Variants in TRMT9B observed in about 807,000 individuals in gnomAD.
TRMT9B encodes tRNA methyltransferase 9B (putative), also known as probable tRNA methyltransferase 9B.
In TRMT9B, 16 loss-of-function variants were observed where a neutral mutation model predicts 11.5. The ratio of observed to expected loss-of-function variants is 1.39; its 90% confidence interval spans 0.94 to 2.11. TRMT9B has a LOEUF of 2.11. Among genes scored for constraint, TRMT9B ranks in the 30% most tolerant of loss-of-function variants. The pLI, the probability that TRMT9B is intolerant of heterozygous loss-of-function variation, is 0.00. For synonymous variants in TRMT9B, 274 were observed against 192.4 expected (o/e 1.42, Z -3.51); for missense variants, 941 against 553.8 (o/e 1.70, Z -7.02).
At chr8:13,001,436 C>G (rs951063843) in intron 2 of TRMT9B, among the ~76,000 whole-genome samples, 2 of 152,150 alleles carry the variant, frequency 1.3e-5, no homozygotes, top group African/African-American at 4.8e-5. Flanking sequence ...AAACGTTTAC[C>G]GTCTCATACT....
Position 13,012,565 on chromosome 8 carries a change from ACT to A in TRMT9B, c.155-116_155-115del, listed in dbSNP as rs1461673589. The A allele has an allele frequency of 1.7e-5, 22 of 1,290,842 alleles. No individual in the cohort carries two copies. In the East Asian group the frequency reaches 2.5e-4, roughly 15 times the overall value. The allele number at this position is 1,290,842 out of a possible 1,614,324, so 80.0% of individuals were successfully genotyped here. On this transcript the variant is annotated intron_variant, in intron 3 of 4. Coordinates refer to ENST00000524591, the MANE Select transcript of TRMT9B (RefSeq NM_020844.3). ...ACTCCAGCCTGGGTGACTGAGGGAGACTCTGTCTCAAAATAAATAAATAAATA... is the reference window on the plus strand; with the variant it reads ...ACTCCAGCCTGGGTGACTGAGGGAGACTGTCTCAAAATAAATAAATAAATA...
At chr8:12,995,064 A>G (rs1356560764) in intron 2 of TRMT9B, among the ~76,000 whole-genome samples, 1 of 152,244 alleles carries the variant, frequency 6.6e-6, no homozygotes, top group East Asian at 1.9e-4. Context: ...ATTCGTTTGA[A>G]GATGTGTCAG....
At chr8:12,968,661 G>T (rs1186662134) in intron 1 of TRMT9B, among the ~76,000 whole-genome samples, 1 of 152,154 alleles carries the variant, frequency 6.6e-6, no homozygotes, top group East Asian at 1.9e-4. Context: ...TCAGTCCTCA[G>T]GGTGGGAGGG....
At chr8:12,983,017 C>A (rs1805669580) in intron 1 of TRMT9B, among the ~76,000 whole-genome samples, 1 of 152,180 alleles carries the variant, frequency 6.6e-6, no homozygotes, top group East Asian at 1.9e-4. Context: ...CACGATGCCC[C>A]ACATGGGGCC....
At chr8:12,950,534 G>A (rs564680984) in intron 1 of TRMT9B, among the ~76,000 whole-genome samples, 2 of 110,548 alleles carry the variant, frequency 1.8e-5, no homozygotes, top group Non-Finnish European at 4.5e-5. Context: ...CAGACTCGTG[G>A]TTTTTTCTTT....
chr8:12,959,492 CT>C (rs1801766539), intron 1 of TRMT9B, among the ~76,000 whole-genome samples: 1 of 143,350 alleles, frequency 7.0e-6, no homozygotes, highest in Non-Finnish European at 1.5e-5. Flanking sequence ...CTCCTCTCCT[CT>C]CCTCTCCTTT....
At chr8:13,015,526 T>C (rs2466246) in intron 4 of TRMT9B, among the ~76,000 whole-genome samples, 9,999 of 151,554 alleles carry the variant, frequency 0.066, 412 homozygotes, top group African/African-American at 0.11. Context: ...TAATTTTTTC[T>C]AATTTTTTTT....
At chr8:12,979,903 G>A (rs1585182422) in intron 1 of TRMT9B, among the ~76,000 whole-genome samples, 1 of 152,176 alleles carries the variant, frequency 6.6e-6, no homozygotes, top group Non-Finnish European at 1.5e-5. Context: ...TGGAAAATGG[G>A]TTTGAACCCT....
intron 1 of TRMT9B, 122 bp from the exon 2 acceptor site, chr8:12,990,712 T>C (rs36056654): frequency 0.055 from 20,079 of 363,434 alleles, 686 homozygotes; most frequent in South Asian, 0.086. Context: ...TATTAACAAT[T>C]CTTTCTAATC....
rs1815102772 is a variant in TRMT9B at position 13,029,383 on chromosome 8, A to T, written c.*7339A>T. 1 of 167,068 alleles carries T rather than the reference A, an allele frequency of 6.0e-6. No individual in the cohort carries two copies. The highest frequency in any genetic ancestry group is 2.4e-5 in the African/African-American group (1 of 41,468). The allele number at this position is 167,068 out of a possible 1,614,324, so 10.3% of individuals were successfully genotyped here. A position where few individuals can be genotyped will look rare whatever the true frequency, so the allele number is the denominator to read the frequency against. ...AGTGATGTAAAATATTTTGACTTTT[A>T]TAATAATGCGAAGTAGTTTTATTTG... On this transcript the variant is annotated 3_prime_UTR_variant, in exon 5 of 5. Coordinates refer to ENST00000524591, the MANE Select transcript of TRMT9B (RefSeq NM_020844.3).
chr8:12,974,569 G>A (rs541420048), intron 1 of TRMT9B, among the ~76,000 whole-genome samples: 1 of 152,160 alleles, frequency 6.6e-6, no homozygotes, highest in Admixed American at 6.5e-5. Flanking sequence ...GTCCTGCCTC[G>A]TTCCAGACAA....
chr8:13,021,427 T>C lies in TRMT9B; in HGVS notation c.748T>C (p.Trp250Arg). 1.2e-6 allele frequency: 2 copies of C among 1,614,074 alleles called. No homozygotes were observed. The highest frequency in any genetic ancestry group is 1.7e-6 in the Non-Finnish European group (2 of 1,179,896). ...CACATTAGGAAAATCGTTTCGTTCC[T>C]GGTTTTTCTCCAGATCTTTGGATGA... is the stretch of plus-strand genomic sequence containing the variant. Reference protein sequence around the residue: ...YSTLGKSFRSWFFSRSLDEST... With the variant: ...YSTLGKSFRSRFFSRSLDEST... Residue 250 changes from tryptophan (W) to arginine (R), a missense_variant, in exon 5 of 5, where the codon TGG becomes CGG. Transcript: ENST00000524591.
chr8:12,995,316 A>G (rs1464850098), intron 2 of TRMT9B, among the ~76,000 whole-genome samples: 1 of 152,270 alleles, frequency 6.6e-6, no homozygotes, highest in Non-Finnish European at 1.5e-5. Flanking sequence ...AAGTTAAATG[A>G]GCAATTGATA....
rs762797714 is a variant in TRMT9B at position 13,021,647 on chromosome 8, G to A, written c.968G>A (p.Trp323Ter). 1 of 1,613,768 alleles carries A rather than the reference G, an allele frequency of 6.2e-7. No homozygotes were observed. The highest frequency in any genetic ancestry group is 8.5e-7 in the Non-Finnish European group (1 of 1,179,752). ...VESSSGKHLEWLRAPGTLKHL... is the reference protein window; with the variant it reads ...VESSSGKHLE ...TCTTCTTCTGGAAAACACTTGGAGT[G>A]GCTGAGAGCACCAGGCACTCTGAAA... Residue 323 changes from tryptophan to a stop codon, truncating the protein, a stop_gained, in exon 5 of 5, where the codon TGG (tryptophan) becomes TAG (stop). Coordinates refer to ENST00000524591, the MANE Select transcript of TRMT9B (RefSeq NM_020844.3). LOFTEE classifies it low-confidence loss of function (END_TRUNC).
At chr8:12,997,941 C>G (rs1333598351) in intron 2 of TRMT9B, among the ~76,000 whole-genome samples, 3 of 152,102 alleles carry the variant, frequency 2.0e-5, no homozygotes, top group Non-Finnish European at 2.9e-5. Context: ...TTTACCCATT[C>G]TTTTGTATAG....
Position 13,021,455 on chromosome 8 carries a change from C to G in TRMT9B, c.776C>G (p.Ser259Trp). 1 of 1,614,002 alleles carries G rather than the reference C, an allele frequency of 6.2e-7. No homozygotes were observed. Among genetic ancestry groups the G allele is most frequent in the Non-Finnish European group, 8.5e-7 (1 of 1,179,894 alleles). Residue 259 changes from serine (S) to tryptophan (W), a missense_variant, in exon 5 of 5, where the codon TCG (serine) becomes TGG (tryptophan). By Grantham distance (177) the Ser-to-Trp change is radical (BLOSUM62 -3). Transcript: ENST00000524591. Reference protein sequence around the residue: ...SWFFSRSLDESTLRKQIERVR... With the variant: ...SWFFSRSLDEWTLRKQIERVR... ...TTTTTCTCCAGATCTTTGGATGAAT[C>G]GACTCTGAGGAAGCAAATTGAAAGA...
At chr8:13,010,580 C>T (rs954109535) in intron 3 of TRMT9B, 1 of 985,298 alleles carries the variant, frequency 1.0e-6, no homozygotes, top group South Asian at 4.7e-5. Context: ...ATCAAGAGTT[C>T]TAGGGCACTG....
Position 13,028,196 on chromosome 8 carries a change from T to G in TRMT9B, c.*6152T>G, listed in dbSNP as rs1814927770. The G allele has an allele frequency of 6.0e-6, 1 of 167,112 alleles. No individual in the cohort carries two copies. Among genetic ancestry groups the G allele is most frequent in the Non-Finnish European group, 1.5e-5 (1 of 68,128 alleles). The allele number at this position is 167,112 out of a possible 1,614,324, so 10.4% of individuals were successfully genotyped here. ...CTCTTGTGGTGCGGGTCTTCCCCAG[T>G]TGATTATACACAGATAATCAATGAC... On this transcript the variant is annotated 3_prime_UTR_variant, in exon 5 of 5. Transcript: ENST00000524591.
In TRMT9B at chr8:13,021,535, C is replaced by G. The variant is rs1384843218; in HGVS notation, c.856C>G (p.Pro286Ala). ...VWASSTVTVQ[P>A]SRHSSLDFDH... ...GGCCAGTAGCACTGTAACAGTCCAGCCTTCCAGACACTCTAGTTTAGACTT... is the reference window on the plus strand; with the variant it reads ...GGCCAGTAGCACTGTAACAGTCCAGGCTTCCAGACACTCTAGTTTAGACTT... The change falls in exon 5 of 5, where the codon CCT (proline) becomes GCT (alanine). Residue 286 changes from proline to alanine, a missense_variant. Coordinates refer to ENST00000524591, the MANE Select transcript of TRMT9B (RefSeq NM_020844.3). 3.7e-6 allele frequency: 6 copies of G among 1,613,792 alleles called. No individual in the cohort carries two copies. The highest frequency in any genetic ancestry group is 4.5e-5 in the East Asian group (2 of 44,872).
Sources: allele counts gnomAD v4.1 joint callset (sites outside exome capture counted in the v4.1 genomes callset), GRCh38; gene constraint gnomAD v4.1.1; transcripts MANE v1.5; gene names NCBI Gene and HGNC (gene_info 2026-07-23, HGNC 2026-07-21).